The following SLC25A48 variants were observed in gnomAD, a reference collection of about 807,000 sequenced individuals.
SLC25A48 encodes CTC-321K16.1.
A neutral mutation model predicts 32.2 loss-of-function variants in SLC25A48; 29 were observed. The observed-to-expected ratio is 0.90, with a 90% CI of 0.67 to 1.23. SLC25A48 has a LOEUF of 1.23. SLC25A48 is among the 50% of genes most tolerant of loss of function. SLC25A48 has a pLI of 0.00. For synonymous variants in SLC25A48, 164 were observed against 172.3 expected, an observed-to-expected ratio of 0.95 and a Z score of 0.38; for missense variants, 399 against 422.7, an observed-to-expected ratio of 0.94 and a Z score of 0.49.
intron 3 of SLC25A48, among the ~76,000 whole-genome samples, chr5:135,800,343 T>C (rs1757290355): frequency 6.6e-6 from 1 of 151,896 alleles, no homozygotes; most frequent in Admixed American, 6.6e-5. Context: ...CAGAAGATAA[T>C]ATTATTCCCA....
chr5:135,598,988 T>C (rs1458657647), intron 1 of SLC25A48, among the ~76,000 whole-genome samples: 2 of 152,066 alleles, frequency 1.3e-5, no homozygotes, highest in South Asian at 4.1e-4. Context: ...GAAAGTCTAA[T>C]GGCAGTGAGT....
At chr5:135,599,441 G>A (rs976294364) in intron 1 of SLC25A48, among the ~76,000 whole-genome samples, 2 of 152,170 alleles carry the variant, frequency 1.3e-5, no homozygotes, top group South Asian at 2.1e-4. Context: ...GTTACCCATT[G>A]TTCCCCTTTC....
At chr5:135,653,395 T>A (rs1374952413) in intron 3 of SLC25A48, among the ~76,000 whole-genome samples, 1 of 152,108 alleles carries the variant, frequency 6.6e-6, no homozygotes, top group East Asian at 1.9e-4. Context: ...CTAGTAAAAG[T>A]TAATGGAAAA....
Position 135,818,681 on chromosome 5 carries a change from T to G in SLC25A48, c.-117+5755T>G, listed in dbSNP as rs184627825. 6.3e-3 allele frequency among the ~76,000 whole-genome samples: 954 copies of G among 152,264 alleles called. 3 individuals carry two copies. The highest frequency in any genetic ancestry group is 0.011 in the Non-Finnish European group (741 of 68,022). ...GATATTCAAAATGTCTAGGACAATC[T>G]AAAATTACCCAGCATACAAATGACC... On this transcript the variant is annotated intron_variant, in intron 4 of 10. Transcript: ENST00000646290.
chr5:135,726,807 C>T (rs1461386848), intron 3 of SLC25A48, among the ~76,000 whole-genome samples: 1 of 152,200 alleles, frequency 6.6e-6, no homozygotes, highest in African/African-American at 2.4e-5. Flanking sequence ...TGAACATCTT[C>T]ATTTCTCTAG....
chr5:135,873,896 C>A, intron 5 of SLC25A48, 125 bp from the exon 6 acceptor site: 2 of 1,122,774 alleles, frequency 1.8e-6, no homozygotes, highest in Non-Finnish European at 2.4e-6. Flanking sequence ...TTTGCAGGTT[C>A]TAAGCCTGAG....
intron 3 of SLC25A48, among the ~76,000 whole-genome samples, chr5:135,699,869 G>T (rs1199796775): frequency 2.6e-5 from 4 of 152,090 alleles, no homozygotes; most frequent in Non-Finnish European, 5.9e-5. Context: ...ACACTTTCCA[G>T]TGCTCCCTGA....
At position 135,888,283 on chromosome 5, in the gene SLC25A48, T is replaced by A; in HGVS notation, c.*259T>A. 2.0e-6 allele frequency: 1 copy of A among 509,256 alleles called. No homozygotes were observed. The allele number at this position is 509,256 out of a possible 1,614,324, so 31.5% of individuals were successfully genotyped here. A position where few individuals can be genotyped will look rare whatever the true frequency, so the allele number is the denominator to read the frequency against. On this transcript the variant is annotated 3_prime_UTR_variant, in exon 8 of 8. Coordinates refer to ENST00000681962, the MANE Select transcript of SLC25A48 (RefSeq NM_001349336.2). ...TGGCATCAAAGAGCTTTCCAAGAAATGTTTGGTCCAGCTGAGAAGTCCTGA... is the reference window on the plus strand; with the variant it reads ...TGGCATCAAAGAGCTTTCCAAGAAAAGTTTGGTCCAGCTGAGAAGTCCTGA...
intron 6 of SLC25A48, 82 bp from the exon 7 acceptor site, chr5:135,879,886 A>T (rs2269926): frequency 0.59 from 887,389 of 1,499,318 alleles, 267,172 homozygotes; most frequent in East Asian, 0.77. Context: ...AGGCAGCACC[A>T]CTAGCTATTC....
intron 3 of SLC25A48, among the ~76,000 whole-genome samples, chr5:135,654,222 A>G (rs1753188993): frequency 6.6e-6 from 1 of 152,212 alleles, no homozygotes; most frequent in South Asian, 2.1e-4. Flanking sequence ...AAAAAATGGC[A>G]TCATGTATTG....
intron 3 of SLC25A48, among the ~76,000 whole-genome samples, chr5:135,647,009 A>C (rs1175855542): frequency 6.6e-6 from 1 of 152,094 alleles, no homozygotes; most frequent in Admixed American, 6.5e-5. Flanking sequence ...AAATGTTCTC[A>C]TCACACAAAA....
chr5:135,579,948 T>A (rs149520602), intron 1 of SLC25A48, among the ~76,000 whole-genome samples: 1 of 152,374 alleles, frequency 6.6e-6, no homozygotes, highest in East Asian at 1.9e-4. Context: ...TTTCATCATC[T>A]GTAAAGTGCA....
intron 3 of SLC25A48, among the ~76,000 whole-genome samples, chr5:135,797,284 G>C (rs1757209868): frequency 6.6e-6 from 1 of 151,806 alleles, no homozygotes. Context: ...CTGTGACATT[G>C]TTATATTGTT....
intron 3 of SLC25A48, among the ~76,000 whole-genome samples, chr5:135,773,664 A>C (rs914254879): frequency 6.6e-6 from 1 of 151,544 alleles, no homozygotes; most frequent in Non-Finnish European, 1.5e-5. Flanking sequence ...CCCCTTTGAG[A>C]TATTGCTTCT....
chr5:135,716,095 G>A (rs142991183), intron 3 of SLC25A48, among the ~76,000 whole-genome samples: 338 of 152,274 alleles, frequency 2.2e-3, no homozygotes, highest in African/African-American at 7.6e-3. Flanking sequence ...TCACCTGGTG[G>A]TGTATTCCTA....
chr5:135,753,748 AGTGGTTGTACACCCTGT>A (rs1755827545), intron 3 of SLC25A48, among the ~76,000 whole-genome samples: 1 of 151,810 alleles, frequency 6.6e-6, no homozygotes, highest in Non-Finnish European at 1.5e-5. Flanking sequence ...ACAATATCAC[AGTGGTTGTACACCCTGT>A]GTGTACACCC....
At chr5:135,850,309 C>A (rs1429614732) in intron 2 of SLC25A48, 116 bp from the exon 3 acceptor site, 1 of 1,028,664 alleles carries the variant, frequency 9.7e-7, no homozygotes, top group South Asian at 1.4e-5. Context: ...GACTGAAACC[C>A]AGACCCTTTG....
intron 3 of SLC25A48, among the ~76,000 whole-genome samples, chr5:135,765,824 A>G (rs1756202093): frequency 6.6e-6 from 1 of 151,416 alleles, no homozygotes; most frequent in African/African-American, 2.4e-5. Context: ...CCTTCCTGTG[A>G]TATGGTTCAT....
chr5:135,860,985 T>C (rs556090627), intron 4 of SLC25A48, among the ~76,000 whole-genome samples: 8 of 152,168 alleles, frequency 5.3e-5, no homozygotes, highest in Admixed American at 2.0e-4. Flanking sequence ...CCAGTGTATA[T>C]TCAGCCAGCC....
Sources: gnomAD v4.1 joint callset for allele counts (sites outside exome capture counted in the v4.1 genomes callset) on GRCh38, gnomAD v4.1.1 for gene constraint, MANE v1.5 for transcripts, NCBI Gene and HGNC (gene_info 2026-07-23, HGNC 2026-07-21) for gene names.